ITGB3: variants seen among roughly 807,000 people sequenced by gnomAD.
The protein encoded by ITGB3 is integrin beta-3.
ITGB3 carries 48 observed loss-of-function variants against 85.8 expected under a neutral mutation model. That is an observed-to-expected ratio of 0.56 (90% CI 0.44 to 0.71). The LOEUF (loss-of-function observed/expected upper bound fraction) is 0.71. Ranked by LOEUF, ITGB3 falls within the 30% of genes least tolerant of loss-of-function variation. ITGB3 has a pLI of 0.00. For synonymous variants in ITGB3, 363 were observed against 395.6 expected, an observed-to-expected ratio of 0.92 and a Z score of 0.98; for missense variants, 861 against 1,019.1, an observed-to-expected ratio of 0.84 and a Z score of 2.11.
Position 47,293,490 on chromosome 17 carries a change from C to T in ITGB3, c.1690+922C>T, listed in dbSNP as rs145552692. On this transcript the variant is annotated intron_variant, in intron 10 of 14. Transcript: ENST00000559488. ...GGCCATAATCACTGTGGCTTAATCC[C>T]TCTTGCGACAGACACAAGTTGGTTG... Among the ~76,000 whole-genome samples the T allele has an allele frequency of 7.8e-3, 1,183 of 152,262 alleles. 23 individuals carry two copies. The highest frequency in any genetic ancestry group is 0.025 in the African/African-American group (1,053 of 41,536).
At position 47,292,282 on chromosome 17, in the gene ITGB3, A is replaced by AC. The variant is rs1567766810; in HGVS notation, c.1406dup (p.Asn470Ter). 1.9e-6 allele frequency: 3 copies of AC among 1,614,186 alleles called. No individual in the cohort carries two copies. The highest frequency in any genetic ancestry group is 1.7e-6 in the Non-Finnish European group (2 of 1,180,030). On this transcript the variant is annotated frameshift_variant, in exon 10 of 15. Coordinates refer to ENST00000559488, the MANE Select transcript of ITGB3 (RefSeq NM_000212.3). LOFTEE classifies it high-confidence loss of function. ...ACTGTGCCTGCCAGGCCCAAGCTGAACCTAATAGCCATCGCTGCAACAATG... is the reference window on the plus strand; with the variant it reads ...ACTGTGCCTGCCAGGCCCAAGCTGAACCCTAATAGCCATCGCTGCAACAATG...
intron 13 of ITGB3, chr17:47,303,452 G>A (rs8081202): frequency 0.021 from 3,166 of 152,934 alleles, 100 homozygotes; most frequent in African/African-American, 0.059. Flanking sequence ...ATTTTTTTGA[G>A]GCAATGATGT....
intron 1 of ITGB3, among the ~76,000 whole-genome samples, chr17:47,262,291 A>G (rs999492308): frequency 3.3e-5 from 5 of 152,232 alleles, no homozygotes; most frequent in Non-Finnish European, 5.9e-5. Context: ...CAGGATGCCA[A>G]GGAGGTCACC....
intron 11 of ITGB3, 132 bp from the exon 12 acceptor site, chr17:47,300,346 C>CGCGTGTGT (rs377375532): frequency 3.9e-5 from 24 of 619,724 alleles, no homozygotes; most frequent in African/African-American, 3.5e-4. Flanking sequence ...CGCGCGCGCG[C>CGCGTGTGT]GTGTGTGTGT....
At chr17:47,285,503 G>C (rs1315440828) in intron 4 of ITGB3, among the ~76,000 whole-genome samples, 1 of 152,072 alleles carries the variant, frequency 6.6e-6, no homozygotes, top group Non-Finnish European at 1.5e-5. Flanking sequence ...CAGTCCCCAG[G>C]ACTACAGGGA....
intron 14 of ITGB3, among the ~76,000 whole-genome samples, chr17:47,308,947 C>CCCTCCCCTCCCCTCCCCTCT (rs1444079582): frequency 7.9e-6 from 1 of 126,756 alleles, no homozygotes; most frequent in East Asian, 3.3e-4. Context: ...CTCTCCCATT[C>CCCTCCCCTCCCCTCCCCTCT]CCTCCCCTCC....
intron 1 of ITGB3, 71 bp from the exon 2 acceptor site, chr17:47,274,348 G>A (rs1306678050): frequency 4.4e-6 from 6 of 1,357,462 alleles, no homozygotes; most frequent in Non-Finnish European, 6.3e-6. Context: ...GGGAAAGTTG[G>A]GAAGGATGAG....
intron 13 of ITGB3, among the ~76,000 whole-genome samples, chr17:47,306,597 A>C (rs1204007743): frequency 1.3e-5 from 2 of 152,180 alleles, no homozygotes; most frequent in African/African-American, 4.8e-5. Flanking sequence ...TTTTAAAGAG[A>C]CTAATATGAA....
intron 12 of ITGB3, among the ~76,000 whole-genome samples, chr17:47,302,347 G>T (rs1235869516): frequency 1.3e-5 from 2 of 152,192 alleles, no homozygotes; most frequent in East Asian, 3.9e-4. Flanking sequence ...CACCGACCTT[G>T]TGAGGTGGGG....
chr17:47,284,609 G>T lies in ITGB3; in HGVS notation c.528G>T (p.Arg176=). Residue 176 remains arginine, a synonymous_variant, in exon 4 of 15, where the codon CGG becomes CGT. Transcript: ENST00000559488. The stretch of plus-strand genomic sequence containing the variant: ...TGCGAAAGCTCACCAGTAACCTGCG[G>T]ATTGGCTTCGGGGCATTTGTGGACA... ...TQMRKLTSNL[R]IGFGAFVDKP... is the part of the protein sequence containing the mutation. The T allele has an allele frequency of 6.2e-7, 1 of 1,614,096 alleles. No homozygotes were observed. Among genetic ancestry groups the T allele is most frequent in the Non-Finnish European group, 8.5e-7 (1 of 1,180,012 alleles).
Position 47,261,335 on chromosome 17 carries a change from A to T in ITGB3, c.79+7395A>T, listed in dbSNP as rs542132861. ...ATAAAAGTAATTAAGCTTATTATTT[A>T]AAAAAAGGCAGCTCAGAAATATAAT... On this transcript the variant is annotated intron_variant, in intron 1 of 14. Transcript: ENST00000559488. 4.6e-5 allele frequency among the ~76,000 whole-genome samples: 7 copies of T among 152,242 alleles called. No homozygotes were observed. The South Asian group carries it at 1.2e-3, about 27-fold the overall frequency.
intron 1 of ITGB3, among the ~76,000 whole-genome samples, chr17:47,271,420 C>T (rs1229260301): frequency 2.0e-5 from 3 of 151,998 alleles, no homozygotes; most frequent in Admixed American, 6.6e-5. Context: ...ACCAGTAAGA[C>T]GTTAGGAGTA....
intron 2 of ITGB3, among the ~76,000 whole-genome samples, chr17:47,276,908 GTTC>G (rs1212575719): frequency 2.6e-5 from 4 of 152,164 alleles, no homozygotes; most frequent in African/African-American, 7.2e-5. Context: ...AGAGCCCTCT[GTTC>G]TTCTTCCTCC....
intron 1 of ITGB3, among the ~76,000 whole-genome samples, chr17:47,261,519 CTTTT>C (rs71365061): frequency 2.3e-5 from 3 of 128,048 alleles, no homozygotes; most frequent in Admixed American, 1.6e-4. Context: ...GGATCATTGT[CTTTT>C]TTTTTTTTTT....
intron 10 of ITGB3, among the ~76,000 whole-genome samples, chr17:47,293,764 T>A (rs1299789455): frequency 1.3e-5 from 2 of 152,170 alleles, no homozygotes. Flanking sequence ...TGCGCCACGA[T>A]GCCCAGCTAA....
At position 47,299,358 on chromosome 17, in the gene ITGB3, G is replaced by A. The variant is rs1192525520; in HGVS notation, c.1741G>A (p.Gly581Ser). The change falls in exon 11 of 15, where the codon GGC becomes AGC. Residue 581 changes from glycine to serine, a missense_variant. By Grantham distance (56) the Gly-to-Ser change is moderately conservative. Transcript: ENST00000559488. The surrounding 1 kb of genome is among the most constrained non-coding windows in gnomAD (Gnocchi z 5.1). The stretch of plus-strand genomic sequence containing the variant: ...CTGCCTGTGTGACTCCGACTGGACC[G>A]GCTACTACTGCAACTGTACCACGCG... ...GDCLCDSDWTGYYCNCTTRTD... is the reference protein window; with the variant it reads ...GDCLCDSDWTSYYCNCTTRTD... 4.3e-6 allele frequency: 7 copies of A among 1,614,054 alleles called. No individual in the cohort carries two copies. Among genetic ancestry groups the A allele is most frequent in the East Asian group, 2.2e-5 (1 of 44,890 alleles).
At chr17:47,284,357 A>G in intron 3 of ITGB3, 86 bp from the exon 4 acceptor site, 2 of 1,555,260 alleles carry the variant, frequency 1.3e-6, no homozygotes, top group Non-Finnish European at 1.8e-6. Context: ...TGATCATGCA[A>G]TTTCTTAGTC....
intron 10 of ITGB3, among the ~76,000 whole-genome samples, chr17:47,293,388 G>A (rs141901636): frequency 3.3e-5 from 5 of 152,196 alleles, no homozygotes; most frequent in East Asian, 1.9e-4. Context: ...GTCTTTATCC[G>A]CAGACATGTT....
rs1340107063 is a variant in ITGB3, at chr17:47,313,349, T to C, written c.*3145T>C. Among the ~76,000 whole-genome samples, 1 of 145,618 alleles carries C rather than the reference T, an allele frequency of 6.9e-6. No individual in the cohort carries two copies. Among genetic ancestry groups the C allele is most frequent in the African/African-American group, 2.5e-5 (1 of 39,776 alleles). ...TATTCCTGGTTGAAATTTCTTTTCTTTTTTTTTTTTTTTTTGAGACAGAGT... is the reference window on the plus strand; with the variant it reads ...TATTCCTGGTTGAAATTTCTTTTCTCTTTTTTTTTTTTTTTGAGACAGAGT... On this transcript the variant is annotated 3_prime_UTR_variant, in exon 15 of 15. Transcript: ENST00000559488.
Sources: allele counts gnomAD v4.1 joint callset (sites outside exome capture counted in the v4.1 genomes callset), GRCh38; gene constraint gnomAD v4.1.1; non-coding constraint Gnocchi (gnomAD v3.1); transcripts MANE v1.5; gene names NCBI Gene and HGNC (gene_info 2026-07-23, HGNC 2026-07-21).